Variants in MAOB observed in about 807,000 individuals in gnomAD.
The protein encoded by MAOB is amine oxidase [flavin-containing] B.
MAOB carries 15 observed loss-of-function variants against 41.9 expected under a neutral mutation model. The observed-to-expected ratio is 0.36, with a 90% CI of 0.24 to 0.55. The LOEUF (loss-of-function observed/expected upper bound fraction) is 0.55. Among genes scored for constraint, MAOB ranks in the 20% least tolerant of loss-of-function variants. The probability of loss-of-function intolerance (pLI) is 0.86; values close to 1 mark genes in which losing one functional copy is unlikely to be tolerated. For synonymous variants in MAOB, 167 were observed against 144.2 expected (o/e 1.16, Z -1.13); for missense variants, 345 against 398.7 (o/e 0.87, Z 1.15).
intron 2 of MAOB, among the ~76,000 whole-genome samples, chrX:43,842,702 G>A (rs1040902773): frequency 8.9e-6 from 1 of 112,052 alleles, no homozygotes; most frequent in African/African-American, 3.2e-5. Flanking sequence ...AATGGATGAG[G>A]AAGACTTGGT....
chrX:43,882,138 G>C lies in MAOB; in HGVS notation c.46+116C>G, dbSNP rs983123582. On this transcript the variant is annotated intron_variant, in intron 1 of 14. Transcript: ENST00000378069. ...CCCACTAGAGCCCTGCCCGTGCGTG[G>C]ACAGTCTGGGGACTCCAGGGTCAGC... 41 of 1,109,509 alleles carry C rather than the reference G, an allele frequency of 3.7e-5. No individual in the cohort carries two copies. In the South Asian group the frequency reaches 8.3e-4, roughly 22 times the overall value. The allele number at this position is 1,109,509 out of a possible 1,213,427, so 91.4% of individuals were successfully genotyped here.
intron 1 of MAOB, among the ~76,000 whole-genome samples, chrX:43,866,366 T>C (rs2035365364): frequency 8.9e-6 from 1 of 112,286 alleles, no homozygotes; most frequent in African/African-American, 3.2e-5. Flanking sequence ...TCCAATCTGC[T>C]TTTTCCCAAT....
chrX:43,771,304 TA>T (rs2034179473), intron 12 of MAOB, among the ~76,000 whole-genome samples: 1 of 112,215 alleles, frequency 8.9e-6, no homozygotes, highest in African/African-American at 3.2e-5. Flanking sequence ...CCCTCTATTA[TA>T]AAATACGCTT....
chrX:43,874,454 T>C lies in MAOB; in HGVS notation c.46+7800A>G, dbSNP rs184705198. The stretch of plus-strand genomic sequence containing the variant: ...CAATCCTTTCCTGAATTTCTATCCA[T>C]GTTTTGGCTTCCCTGGTTATCAGGC... On this transcript the variant is annotated intron_variant, in intron 1 of 14. Transcript: ENST00000378069. Among the ~76,000 whole-genome samples the C allele has an allele frequency of 6.4e-3, 721 of 111,793 alleles. 4 individuals are homozygous for C. Among genetic ancestry groups the C allele is most frequent in the African/African-American group, 0.022 (676 of 30,745 alleles).
At chrX:43,853,267 C>CAAAAAAAAA in intron 1 of MAOB, among the ~76,000 whole-genome samples, 1 of 26,446 alleles carries the variant, frequency 3.8e-5, no homozygotes, top group Non-Finnish European at 7.2e-5. Context: ...GAGTCCGTCT[C>CAAAAAAAAA]AAAAAAAAAA....
At chrX:43,830,744 T>C (rs1157784471) in intron 3 of MAOB, among the ~76,000 whole-genome samples, 1 of 111,781 alleles carries the variant, frequency 8.9e-6, no homozygotes, top group Non-Finnish European at 1.9e-5. Context: ...CCCCAGAACC[T>C]ATTAGAAAAG....
Position 43,780,380 on chromosome X carries a change from G to C in MAOB, c.1041C>G (p.His347Gln). ...TAAGACGTGCCAGTTTTCTGGCTTT[G>C]TGGGCCAGGATAAATCTAAAGAATA... The part of the protein sequence containing the change: ...YAAIMGFILA[H>Q]KARKLARLTK... Residue 347 changes from histidine to glutamine, a missense_variant, in exon 10 of 15, where the codon CAC (histidine) becomes CAG (glutamine). By Grantham distance (24) the His-to-Gln change is conservative. Transcript: ENST00000378069. 1 of 1,199,451 alleles carries C rather than the reference G, an allele frequency of 8.3e-7. No homozygotes were observed. The highest frequency in any genetic ancestry group is 1.1e-6 in the Non-Finnish European group (1 of 885,205).
intron 3 of MAOB, among the ~76,000 whole-genome samples, chrX:43,817,792 T>G (rs1431975670): frequency 8.9e-6 from 1 of 112,344 alleles, no homozygotes; most frequent in Non-Finnish European, 1.9e-5. Flanking sequence ...CTGCCAGATA[T>G]TCACAAGGCA....
Position 43,775,185 on chromosome X carries a change from G to A in MAOB, c.1225C>T (p.Gln409Ter). ...TTYFPPGILTQYGRVLRQPVD... is the reference protein window; with the variant it reads ...TTYFPPGILT ...ATGCTTTTACTCTACCTTCCATATT[G>A]AGTCAGGATCCCAGGGGGGAAATAA... Residue 409 changes from glutamine to a stop codon, truncating the protein, a stop_gained, in exon 12 of 15, where the codon CAA becomes TAA. Coordinates refer to ENST00000378069, the MANE Select transcript of MAOB (RefSeq NM_000898.5). LOFTEE classifies it high-confidence loss of function. 2 of 1,182,449 alleles carry A rather than the reference G, an allele frequency of 1.7e-6. No homozygotes were observed. The highest frequency in any genetic ancestry group is 2.3e-6 in the Non-Finnish European group (2 of 881,623).
At chrX:43,829,917 C>A (rs1275008976) in intron 3 of MAOB, among the ~76,000 whole-genome samples, 1 of 111,704 alleles carries the variant, frequency 9.0e-6, no homozygotes, top group Non-Finnish European at 1.9e-5. Context: ...GCACTGTGTG[C>A]CTGGTCCGAA....
chrX:43,833,428 C>T (rs949284433), intron 3 of MAOB, among the ~76,000 whole-genome samples: 1 of 111,028 alleles, frequency 9.0e-6, no homozygotes, highest in African/African-American at 3.3e-5. Flanking sequence ...TTCAGGCCAT[C>T]TTGCACTTTC....
At chrX:43,768,601 A>G in intron 14 of MAOB, 53 bp downstream of exon 14, 2 of 1,026,327 alleles carry the variant, frequency 1.9e-6, no homozygotes, top group Non-Finnish European at 2.7e-6. Context: ...CTTCTTGAAA[A>G]TAATGGGTTT....
intron 5 of MAOB, among the ~76,000 whole-genome samples, chrX:43,800,821 T>C (rs1483815240): frequency 8.9e-6 from 1 of 112,085 alleles, no homozygotes; most frequent in Non-Finnish European, 1.9e-5. Flanking sequence ...TCAATGGATG[T>C]CCATTGCTTT....
At chrX:43,801,837 CA>C (rs2147138296) in intron 5 of MAOB, among the ~76,000 whole-genome samples, 1 of 112,778 alleles carries the variant, frequency 8.9e-6, no homozygotes, top group East Asian at 2.8e-4. Flanking sequence ...GTGAAGAATA[CA>C]AAAATTGTCC....
Position 43,767,541 on chromosome X carries a change from AATCAGCCT to A in MAOB, c.1480_1487del (p.Arg494TrpfsTer57). 8.3e-7 allele frequency: 1 copy of A among 1,210,769 alleles called. No homozygotes were observed. The highest frequency in any genetic ancestry group is 1.1e-6 in the Non-Finnish European group (1 of 894,893). On this transcript the variant is annotated frameshift_variant, in exon 15 of 15. Coordinates refer to ENST00000378069, the MANE Select transcript of MAOB (RefSeq NM_000898.5). LOFTEE classifies it high-confidence loss of function. Reference sequence around the variant, plus strand: ...TTGCTGAAAAGATGGTGGTCAATCCAATCAGCCTGAGCAGGCCTGGCACGGAGGGCAAA... The same window carrying A: ...TTGCTGAAAAGATGGTGGTCAATCCAGAGCAGGCCTGGCACGGAGGGCAAA...
At chrX:43,792,116 G>T (rs2034471268) in intron 8 of MAOB, among the ~76,000 whole-genome samples, 1 of 112,289 alleles carries the variant, frequency 8.9e-6, no homozygotes, top group East Asian at 2.8e-4. Flanking sequence ...CTTTTCACAA[G>T]ATTTTGGGGG....
chrX:43,861,856 C>CGTGTGTGTGTGTGT (rs112289658), intron 1 of MAOB, among the ~76,000 whole-genome samples: 4 of 103,162 alleles, frequency 3.9e-5, no homozygotes, highest in African/African-American at 1.4e-4. Context: ...CCAGCTGAAA[C>CGTGTGTGTGTGTGT]GTGTGTGTGT....
At chrX:43,810,520 TAG>T (rs1202341850) in intron 3 of MAOB, among the ~76,000 whole-genome samples, 41 of 110,585 alleles carry the variant, frequency 3.7e-4, no homozygotes, top group African/African-American at 1.3e-3. Flanking sequence ...ATGGCAAGTA[TAG>T]AGAGATAGAG....
intron 1 of MAOB, chrX:43,850,316 T>C (rs1422172527): frequency 2.8e-6 from 2 of 727,192 alleles, no homozygotes; most frequent in Non-Finnish European, 3.3e-6. Flanking sequence ...GGAAAGAATA[T>C]GTTGATAAAA....
Sources: allele counts gnomAD v4.1 joint callset (sites outside exome capture counted in the v4.1 genomes callset), GRCh38; gene constraint gnomAD v4.1.1; transcripts MANE v1.5; gene names NCBI Gene and HGNC (gene_info 2026-07-23, HGNC 2026-07-21).